Variants in WASHC2A observed in about 807,000 individuals in gnomAD.
The protein encoded by WASHC2A is WASH complex subunit FAM21A.
WASHC2A carries 82 observed loss-of-function variants against 140.3 expected under a neutral mutation model. That is an observed-to-expected ratio of 0.58 (90% CI 0.49 to 0.70). WASHC2A has a LOEUF of 0.70. Among genes scored for constraint, WASHC2A ranks in the 30% least tolerant of loss-of-function variants. WASHC2A has a pLI of 0.00. For synonymous variants in WASHC2A, 340 were observed against 560.8 expected (o/e 0.61, Z 5.56); for missense variants, 985 against 1,521.8 (o/e 0.65, Z 5.87).
intron 19 of WASHC2A, among the ~76,000 whole-genome samples, chr10:50,107,485 T>C (rs1841894606): frequency 6.6e-6 from 1 of 151,930 alleles, no homozygotes; most frequent in African/African-American, 2.4e-5. Context: ...AACATCTTCC[T>C]GTGTTATAAT....
Position 50,068,152 on chromosome 10 carries a change from C to G in WASHC2A, c.51C>G (p.Pro17=), listed in dbSNP as rs368144277. Residue 17 remains proline (P), a synonymous_variant, in exon 2 of 31, where the codon CCC becomes CCG. Transcript: ENST00000282633. ...PDQELAPASE[P]VWERPWSVEE... ...AGGAGCTGGCGCCAGCGTCGGAGCCCGTGTGGGAGCGGCCGTGGTCGGTGG... is the reference window on the plus strand; with the variant it reads ...AGGAGCTGGCGCCAGCGTCGGAGCCGGTGTGGGAGCGGCCGTGGTCGGTGG... 15 of 1,601,954 alleles carry G rather than the reference C, an allele frequency of 9.4e-6. No homozygotes were observed. The African/African-American group carries it at 1.4e-4, about 15-fold the overall frequency.
chr10:50,095,839 A>G (rs1243764393), intron 15 of WASHC2A, 61 bp downstream of exon 15: 7 of 1,551,136 alleles, frequency 4.5e-6, no homozygotes, highest in African/African-American at 4.1e-5. Context: ...GCCTAAAAAG[A>G]ACATAAGCTC....
chr10:50,069,557 T>G lies in WASHC2A; in HGVS notation c.137T>G (p.Phe46Cys), dbSNP rs782573495. 6 of 1,613,304 alleles carry G rather than the reference T, an allele frequency of 3.7e-6. No individual in the cohort carries two copies. The highest frequency in any genetic ancestry group is 4.2e-6 in the Non-Finnish European group (5 of 1,179,700). The stretch of plus-strand genomic sequence containing the variant: ...TATTTTTTAAAATAGCTACTACAGT[T>G]TCTACAGGAATTCTCACAGCAAACT... ...SLAADAGLLQ[F>C]LQEFSQQTIS... is the part of the protein sequence containing the mutation. The change falls in exon 3 of 31, where the codon TTT (phenylalanine) becomes TGT (cysteine). Residue 46 changes from phenylalanine to cysteine, a missense_variant. Physicochemically the swap from Phe to Cys is radical, Grantham distance 205. Coordinates refer to ENST00000282633, the MANE Select transcript of WASHC2A (RefSeq NM_001005751.3).
intron 26 of WASHC2A, chr10:50,126,628 C>T (rs1843457283): frequency 3.6e-6 from 1 of 276,504 alleles, no homozygotes; most frequent in Non-Finnish European, 6.9e-6. Context: ...TGGAGCTCCT[C>T]CTGGGAACAG....
chr10:50,091,550 G>C (rs1221131523), intron 10 of WASHC2A, 32 bp downstream of exon 10: 29 of 1,549,414 alleles, frequency 1.9e-5, no homozygotes, highest in South Asian at 1.3e-4. Context: ...GGGGAGTAGG[G>C]GGGGAGTAGT....
At chr10:50,076,966 A>G (rs1838393692) in intron 3 of WASHC2A, among the ~76,000 whole-genome samples, 1 of 150,380 alleles carries the variant, frequency 6.6e-6, no homozygotes, top group Non-Finnish European at 1.5e-5. Flanking sequence ...TACAAAAAAA[A>G]TTAGCTGGGC....
intron 21 of WASHC2A, 66 bp from the exon 22 acceptor site, chr10:50,117,840 A>G: frequency 1.1e-6 from 1 of 870,548 alleles, no homozygotes; most frequent in Non-Finnish European, 1.8e-6. Flanking sequence ...CTTGTTCTGT[A>G]TATGGCCATG....
rs1387222481 is a variant in WASHC2A, at chr10:50,127,159, G to T, written c.2812-1G>T. 1.1e-5 allele frequency: 18 copies of T among 1,611,910 alleles called. No homozygotes were observed. The African/African-American group carries it at 2.1e-4, about 19-fold the overall frequency. ...TTTTAACTGGATGTAATTTTACACA[G>T]GACTCATCAGGTCTCGCTCCATTTA... On this transcript the variant is annotated splice_acceptor_variant, in intron 26 of 30. Coordinates refer to ENST00000282633, the MANE Select transcript of WASHC2A (RefSeq NM_001005751.3). LOFTEE classifies it high-confidence loss of function.
At chr10:50,073,520 A>G (rs1442443462) in intron 3 of WASHC2A, among the ~76,000 whole-genome samples, 3 of 134,872 alleles carry the variant, frequency 2.2e-5, no homozygotes, top group Admixed American at 8.1e-5. Flanking sequence ...CTACTTTTCT[A>G]TTGAAGAAAC....
chr10:50,130,824 A>G lies in WASHC2A; in HGVS notation c.3709-77A>G, dbSNP rs932345499. 1.0e-5 allele frequency: 16 copies of G among 1,601,540 alleles called. No homozygotes were observed. In the African/African-American group the frequency reaches 1.8e-4, roughly 18 times the overall value. The stretch of plus-strand genomic sequence containing the variant: ...ACACACCCTGGCCAATTGTATTTCC[A>G]TAGCTCGTTGTTGTGTTTGAGCTTA... On this transcript the variant is annotated intron_variant, in intron 29 of 30. Coordinates refer to ENST00000282633, the MANE Select transcript of WASHC2A (RefSeq NM_001005751.3).
chr10:50,082,057 T>C (rs1435086254), intron 5 of WASHC2A, among the ~76,000 whole-genome samples: 6 of 152,096 alleles, frequency 3.9e-5, no homozygotes, highest in Non-Finnish European at 5.9e-5. Flanking sequence ...GGATTTTCAC[T>C]GTATGCCTTT....
intron 8 of WASHC2A, 71 bp from the exon 9 acceptor site, chr10:50,090,703 AGC>A: frequency 6.6e-6 from 9 of 1,366,384 alleles, no homozygotes; most frequent in Non-Finnish European, 8.7e-6. Flanking sequence ...TTGAAGGAGG[AGC>A]CTAAAGGCTG....
chr10:50,126,278 A>G, intron 26 of WASHC2A, 99 bp downstream of exon 26: 1 of 1,605,422 alleles, frequency 6.2e-7, no homozygotes, highest in Non-Finnish European at 8.5e-7. Context: ...TGTCTGCATT[A>G]AGGAGGAAAC....
chr10:50,092,841 C>T (rs1408948943), intron 11 of WASHC2A, among the ~76,000 whole-genome samples: 1 of 152,188 alleles, frequency 6.6e-6, no homozygotes, highest in African/African-American at 2.4e-5. Flanking sequence ...AAAGGATACA[C>T]CAGGCCTTTT....
chr10:50,100,891 C>T (rs1214605536), intron 17 of WASHC2A, among the ~76,000 whole-genome samples: 4 of 152,292 alleles, frequency 2.6e-5, no homozygotes, highest in African/African-American at 9.6e-5. Flanking sequence ...AGGCCTAGGT[C>T]GTCTTAGATC....
chr10:50,130,270 G>T (rs2805247), intron 29 of WASHC2A, among the ~76,000 whole-genome samples: 1 of 149,176 alleles, frequency 6.7e-6, no homozygotes, highest in African/African-American at 2.4e-5. Context: ...ATTGATACTG[G>T]TCTTGGTTTC....
chr10:50,132,690 T>C, intron 30 of WASHC2A, 116 bp from the exon 31 acceptor site: 4 of 1,593,090 alleles, frequency 2.5e-6, no homozygotes, highest in Non-Finnish European at 3.4e-6. Flanking sequence ...GGTTAGTGTT[T>C]TAGGGTACTC....
chr10:50,094,013 T>C, intron 13 of WASHC2A, 96 bp downstream of exon 13: 1 of 1,602,738 alleles, frequency 6.2e-7, no homozygotes, highest in Non-Finnish European at 8.5e-7. Flanking sequence ...AAGCCTTGTT[T>C]CTGTGTTAAG....
intron 5 of WASHC2A, among the ~76,000 whole-genome samples, chr10:50,082,539 G>A (rs2132448887): frequency 6.8e-6 from 1 of 147,922 alleles, no homozygotes; most frequent in South Asian, 2.2e-4. Flanking sequence ...CTGGAGTGGC[G>A]CAATCTCGGC....
Sources: gnomAD v4.1 joint callset for allele counts (sites outside exome capture counted in the v4.1 genomes callset) on GRCh38, gnomAD v4.1.1 for gene constraint, MANE v1.5 for transcripts, NCBI Gene and HGNC (gene_info 2026-07-23, HGNC 2026-07-21) for gene names.